Variants in AJM1 observed in about 807,000 individuals in gnomAD.
AJM1 encodes apical junction component 1 homolog.
AJM1 carries 22 observed loss-of-function variants against 43.0 expected under a neutral mutation model. That is an observed-to-expected ratio of 0.51 (90% CI 0.37 to 0.73). The LOEUF is 0.73. AJM1 is among the 30% of genes least tolerant of loss of function. The pLI is 0.00. For missense variants in AJM1, 1,305 were observed against 1,343.3 expected (o/e 0.97, Z 0.45); for synonymous variants, 719 against 638.3 (o/e 1.13, Z -1.91).
chr9:136,846,157 C>T lies in AJM1; in HGVS notation c.1743C>T (p.Asp581=), dbSNP rs761219039. The change falls in exon 3 of 3, where the codon GAC becomes GAT. Residue 581 remains aspartate (D), a synonymous_variant. Coordinates refer to ENST00000436881, the MANE Select transcript of AJM1 (RefSeq NM_001080482.5). The stretch of plus-strand genomic sequence containing the variant: ...GCCAGCGGAGCCTAGAGCAGCTGGA[C>T]GAGCTCATCACGGACCTGGTCATCG... ...SGRQRSLEQL[D]ELITDLVIDS... The T allele has an allele frequency of 3.3e-6, 5 of 1,527,422 alleles. No individual in the cohort carries two copies. The highest frequency in any genetic ancestry group is 2.3e-4 in the Middle Eastern group (1 of 4,386). The allele number at this position is 1,527,422 out of a possible 1,614,324, so 94.6% of individuals were successfully genotyped here.
At position 136,845,463 on chromosome 9, in the gene AJM1, G is replaced by A; in HGVS notation, c.1049G>A (p.Arg350Gln). The part of the protein sequence containing the change: ...PSRSYYGEAP[R>Q]AYGLPYGPRY... ...CGCTCCTACTATGGGGAGGCTCCAC[G>A]AGCCTACGGCCTGCCCTACGGGCCC... is the stretch of plus-strand genomic sequence containing the variant. The change falls in exon 3 of 3, where the codon CGA becomes CAA. Residue 350 changes from arginine to glutamine, a missense_variant. Arg to Gln is a conservative substitution (Grantham distance 43, BLOSUM62 1). This residue lies in a region of AJM1 where 653 missense variants were observed against 549.1 expected (regional missense o/e 1.19). Transcript: ENST00000436881. The A allele has an allele frequency of 6.2e-7, 1 of 1,609,628 alleles. No homozygotes were observed. Among genetic ancestry groups the A allele is most frequent in the Non-Finnish European group, 8.5e-7 (1 of 1,178,804 alleles).
intron 1 of AJM1, among the ~76,000 whole-genome samples, chr9:136,842,995 GGAGGGGGGA>G (rs1375849629): frequency 6.7e-6 from 1 of 149,418 alleles, no homozygotes; most frequent in Non-Finnish European, 1.5e-5. Context: ...CGGGTGGGGT[GGAGGGGGGA>G]GATGGGGGGG....
chr9:136,846,066 G>C lies in AJM1; in HGVS notation c.1652G>C (p.Trp551Ser). 1.3e-6 allele frequency: 2 copies of C among 1,537,268 alleles called. No individual in the cohort carries two copies. Among genetic ancestry groups the C allele is most frequent in the Non-Finnish European group, 1.7e-6 (2 of 1,144,126 alleles). ...RATERPSARAWELPGGRTRPP... is the reference protein window; with the variant it reads ...RATERPSARASELPGGRTRPP... ...ACCGAGCGCCCGAGCGCCAGGGCCT[G>C]GGAGTTGCCCGGGGGCCGCACGCGG... Residue 551 changes from tryptophan (W) to serine (S), a missense_variant, in exon 3 of 3, where the codon TGG becomes TCG. Transcript: ENST00000436881.
rs1383386152 is a variant in AJM1 at position 136,846,921 on chromosome 9, C to T, written c.2507C>T (p.Ala836Val). ...GGGACACCGGCCCTGCCCGCGCCCGCGCCACGCAGCCACGGGCCAACAGTG... is the reference window on the plus strand; with the variant it reads ...GGGACACCGGCCCTGCCCGCGCCCGTGCCACGCAGCCACGGGCCAACAGTG... ...PPGTPALPAPAPRSHGPTVRK... is the reference protein window; with the variant it reads ...PPGTPALPAPVPRSHGPTVRK... The change falls in exon 3 of 3, where the codon GCG (alanine) becomes GTG (valine). Residue 836 changes from alanine to valine, a missense_variant. By Grantham distance (64) the Ala-to-Val change is moderately conservative (BLOSUM62 0). Around this residue, in one of 6 missense-constraint regions of AJM1, gnomAD observed 391 missense variants for 507.5 expected, o/e 0.77. Coordinates refer to ENST00000436881, the MANE Select transcript of AJM1 (RefSeq NM_001080482.5). The T allele has an allele frequency of 6.9e-7, 1 of 1,445,826 alleles. No homozygotes were observed. The highest frequency in any genetic ancestry group is 9.1e-7 in the Non-Finnish European group (1 of 1,099,598). The allele number at this position is 1,445,826 out of a possible 1,614,324, so 89.6% of individuals were successfully genotyped here.
In AJM1 at chr9:136,845,422, C is replaced by A. The variant is rs755097987; in HGVS notation, c.1008C>A (p.Ile336=). 18 of 1,612,362 alleles carry A rather than the reference C, an allele frequency of 1.1e-5. No homozygotes were observed. The highest frequency in any genetic ancestry group is 1.4e-5 in the Non-Finnish European group (17 of 1,179,766). The change falls in exon 3 of 3, where the codon ATC becomes ATA. Residue 336 remains isoleucine, a synonymous_variant. Coordinates refer to ENST00000436881, the MANE Select transcript of AJM1 (RefSeq NM_001080482.5). The part of the protein sequence containing the change: ...YYAGEVRTFP[I]QEPPSRSYYG... The stretch of plus-strand genomic sequence containing the variant: ...CAGGAGAGGTGCGCACCTTCCCAAT[C>A]CAGGAACCGCCCTCCCGCTCCTACT...
Position 136,844,230 on chromosome 9 carries a change from G to A in AJM1, c.-109G>A, listed in dbSNP as rs1588379766. Among the ~76,000 whole-genome samples, 3 of 152,334 alleles carry A rather than the reference G, an allele frequency of 2.0e-5. No individual in the cohort carries two copies. Among genetic ancestry groups the A allele is most frequent in the East Asian group, 1.9e-4 (1 of 5,172 alleles). On this transcript the variant is annotated 5_prime_UTR_variant, in exon 2 of 3. Transcript: ENST00000436881. Reference sequence around the variant, plus strand: ...ACCCCGGCATGGAGGAAGCGCCCGCGTTCTCGGCCCAGGCCCGCAGCCAGG... The same window carrying A: ...ACCCCGGCATGGAGGAAGCGCCCGCATTCTCGGCCCAGGCCCGCAGCCAGG...
Position 136,844,668 on chromosome 9 carries a change from C to A in AJM1, c.254C>A (p.Ala85Asp). The A allele has an allele frequency of 7.0e-7, 1 of 1,428,196 alleles. No homozygotes were observed. The highest frequency in any genetic ancestry group is 1.4e-5 in the South Asian group (1 of 73,802). 88.5% of individuals were successfully genotyped at this position (1,428,196 alleles called of 1,614,324 possible). A position where few individuals can be genotyped will look rare whatever the true frequency, so the allele number is the denominator to read the frequency against. The change falls in exon 3 of 3, where the codon GCC becomes GAC. Residue 85 changes from alanine (A) to aspartate (D), a missense_variant. Coordinates refer to ENST00000436881, the MANE Select transcript of AJM1 (RefSeq NM_001080482.5). ...GTGCCGCGCGCCCGGACCCGCGAAG[C>A]CGAGCCACGCCGCCGCGCCCGCTCC... ...SAVPRARTRE[A>D]EPRRRARSKS...
chr9:136,845,707 C>G lies in AJM1; in HGVS notation c.1293C>G (p.Thr431=), dbSNP rs1405715406. The part of the protein sequence containing the change: ...DPLLASWHGG[T]GTSPPRLATD... Reference sequence around the variant, plus strand: ...TGCTCGCCTCCTGGCACGGCGGCACCGGCACCAGTCCGCCCCGGCTGGCCA... The same window carrying G: ...TGCTCGCCTCCTGGCACGGCGGCACGGGCACCAGTCCGCCCCGGCTGGCCA... The change falls in exon 3 of 3, where the codon ACC becomes ACG. Residue 431 remains threonine (T), a synonymous_variant. Coordinates refer to ENST00000436881, the MANE Select transcript of AJM1 (RefSeq NM_001080482.5). 3.8e-6 allele frequency: 6 copies of G among 1,567,550 alleles called. No individual in the cohort carries two copies. Among genetic ancestry groups the G allele is most frequent in the Non-Finnish European group, 5.1e-6 (6 of 1,165,546 alleles).
In AJM1 at chr9:136,844,832, C is replaced by T. The variant is rs1848745316; in HGVS notation, c.418C>T (p.Arg140Cys). The T allele has an allele frequency of 4.3e-6, 1 of 234,634 alleles. No homozygotes were observed. 14.5% of individuals were successfully genotyped at this position (234,634 alleles called of 1,614,324 possible). ...PRREPAYPALRALANELHPIK... is the reference protein window; with the variant it reads ...PRREPAYPALCALANELHPIK... ...CCGGGAGCCCGCGTACCCGGCGCTCCGCGCCCTTGCCAACGAGCTGCATCC... is the reference window on the plus strand; with the variant it reads ...CCGGGAGCCCGCGTACCCGGCGCTCTGCGCCCTTGCCAACGAGCTGCATCC... The change falls in exon 3 of 3, where the codon CGC (arginine) becomes TGC (cysteine). Residue 140 changes from arginine to cysteine, a missense_variant. Arg to Cys is a radical substitution (Grantham distance 180). This residue lies in a region of AJM1 where 653 missense variants were observed against 549.1 expected (regional missense o/e 1.19). Coordinates refer to ENST00000436881, the MANE Select transcript of AJM1 (RefSeq NM_001080482.5).
chr9:136,846,780 C>T lies in AJM1; in HGVS notation c.2366C>T (p.Ala789Val), dbSNP rs757657604. ...YLSLRELATH[A>V]APLGSYAREL... ...TCGCTGCGTGAGCTGGCCACACACG[C>T]GGCGCCCCTGGGCAGCTACGCGCGC... is the stretch of plus-strand genomic sequence containing the variant. Residue 789 changes from alanine (A) to valine (V), a missense_variant, in exon 3 of 3, where the codon GCG (alanine) becomes GTG (valine). By Grantham distance (64) the Ala-to-Val change is moderately conservative. Transcript: ENST00000436881. 19 of 1,595,140 alleles carry T rather than the reference C, an allele frequency of 1.2e-5. No individual in the cohort carries two copies. Among genetic ancestry groups the T allele is most frequent in the Non-Finnish European group, 1.7e-6 (2 of 1,175,816 alleles).
At chr9:136,843,371 A>G (rs1386425847) in intron 1 of AJM1, among the ~76,000 whole-genome samples, 2 of 152,234 alleles carry the variant, frequency 1.3e-5, no homozygotes, top group Non-Finnish European at 2.9e-5. Flanking sequence ...GCAGGTTTCC[A>G]TGGAACCTTC....
chr9:136,842,558 G>A lies in AJM1; in HGVS notation c.-175G>A, dbSNP rs1848717407. 6.6e-6 allele frequency among the ~76,000 whole-genome samples: 1 copy of A among 152,254 alleles called. No individual in the cohort carries two copies. Among genetic ancestry groups the A allele is most frequent in the Non-Finnish European group, 1.5e-5 (1 of 68,042 alleles). On this transcript the variant is annotated 5_prime_UTR_variant, in exon 1 of 3. Transcript: ENST00000436881. ...GAGGAGCCGACCTGGGGGTGGCACA[G>A]CCCACCGGGGCACAGCCAGAGCAGC...
In AJM1 at chr9:136,844,974, G is replaced by T. The variant is rs1213387205; in HGVS notation, c.560G>T (p.Arg187Leu). 1.7e-6 allele frequency: 1 copy of T among 579,540 alleles called. No homozygotes were observed. Among genetic ancestry groups the T allele is most frequent in the South Asian group, 2.0e-5 (1 of 49,588 alleles). The allele number at this position is 579,540 out of a possible 1,614,324, so 35.9% of individuals were successfully genotyped here. Residue 187 changes from arginine (R) to leucine (L), a missense_variant, in exon 3 of 3, where the codon CGC becomes CTC. By Grantham distance (102) the Arg-to-Leu change is moderately radical. Coordinates refer to ENST00000436881, the MANE Select transcript of AJM1 (RefSeq NM_001080482.5). ...PAGPAPHVRC[R>L]LDIKPDDAVL... Reference sequence around the variant, plus strand: ...GGTCCCGCCCCCCACGTGCGCTGCCGCCTGGACATCAAGCCAGACGACGCA... The same window carrying T: ...GGTCCCGCCCCCCACGTGCGCTGCCTCCTGGACATCAAGCCAGACGACGCA...
rs1459371514 is a variant in AJM1 at position 136,847,591 on chromosome 9, A to G, written c.*246A>G. The G allele has an allele frequency of 3.4e-6, 1 of 296,514 alleles. No individual in the cohort carries two copies. The highest frequency in any genetic ancestry group is 5.5e-6 in the Non-Finnish European group (1 of 181,198). The allele number at this position is 296,514 out of a possible 1,614,324, so 18.4% of individuals were successfully genotyped here. On this transcript the variant is annotated 3_prime_UTR_variant, in exon 3 of 3. Transcript: ENST00000436881. ...TTCCTCACAGGCCCTTCGCCTTCCC[A>G]CCCCCAGCAACCCCTCTCCCTCCTC...
At chr9:136,843,438 G>A (rs1303561814) in intron 1 of AJM1, among the ~76,000 whole-genome samples, 2 of 152,166 alleles carry the variant, frequency 1.3e-5, no homozygotes, top group Non-Finnish European at 2.9e-5. Context: ...CCCACCCTCC[G>A]CCCTGCCCAC....
Position 136,847,300 on chromosome 9 carries a change from G to C in AJM1, c.2886G>C (p.Ala962=). The stretch of plus-strand genomic sequence containing the variant: ...TCATGGCCGCCTCCGAGCCGCGCGC[G>C]CTCGACTGGGTGGCCAGCGCCAACC... ...CMIMAASEPR[A]LDWVASANLL... is the part of the protein sequence containing the mutation. Residue 962 remains alanine (A), a synonymous_variant, in exon 3 of 3, where the codon GCG becomes GCC. Coordinates refer to ENST00000436881, the MANE Select transcript of AJM1 (RefSeq NM_001080482.5). The C allele has an allele frequency of 6.5e-7, 1 of 1,546,566 alleles. No homozygotes were observed. Among genetic ancestry groups the C allele is most frequent in the Non-Finnish European group, 8.7e-7 (1 of 1,151,338 alleles).
rs1187487334 is a variant in AJM1, at chr9:136,846,634, G to A, written c.2220G>A (p.Ala740=). Residue 740 remains alanine, a synonymous_variant, in exon 3 of 3, where the codon GCG becomes GCA. Transcript: ENST00000436881. ...TGCACCGCGCTTTCTCGCGCATCGCGCGTGTCGGCTTCCTGTCGCGCGGCC... is the reference window on the plus strand; with the variant it reads ...TGCACCGCGCTTTCTCGCGCATCGCACGTGTCGGCTTCCTGTCGCGCGGCC... ...GPVHRAFSRI[A]RVGFLSRGRG... The A allele has an allele frequency of 1.9e-6, 3 of 1,596,968 alleles. No individual in the cohort carries two copies. The highest frequency in any genetic ancestry group is 2.5e-6 in the Non-Finnish European group (3 of 1,177,112).
In AJM1 at chr9:136,847,268, T is replaced by C; in HGVS notation, c.2854T>C (p.Cys952Arg). The C allele has an allele frequency of 1.3e-6, 2 of 1,589,866 alleles. No homozygotes were observed. Among genetic ancestry groups the C allele is most frequent in the Non-Finnish European group, 1.7e-6 (2 of 1,172,696 alleles). ...TDRRTGRPFM[C>R]MIMAASEPRA... is the part of the protein sequence containing the mutation. ...CCGGCGCACCGGCCGCCCCTTCATG[T>C]GCATGATCATGGCCGCCTCCGAGCC... The change falls in exon 3 of 3, where the codon TGC (cysteine) becomes CGC (arginine). Residue 952 changes from cysteine (C) to arginine (R), a missense_variant. Physicochemically the swap from Cys to Arg is radical, Grantham distance 180. This residue lies in a region of AJM1 where 116 missense variants were observed against 113.4 expected (regional missense o/e 1.02). Coordinates refer to ENST00000436881, the MANE Select transcript of AJM1 (RefSeq NM_001080482.5).
chr9:136,845,778 C>T lies in AJM1; in HGVS notation c.1364C>T (p.Pro455Leu), dbSNP rs752231389. 5 of 1,573,470 alleles carry T rather than the reference C, an allele frequency of 3.2e-6. No individual in the cohort carries two copies. The African/African-American group carries it at 4.1e-5, about 13-fold the overall frequency. ...CGCTCCTGGGACAACATTCTGGCCC[C>T]GGGGCCGCGCCGAGAAGACCCGTTG... ...YSRSWDNILA[P>L]GPRREDPLGR... The change falls in exon 3 of 3, where the codon CCG (proline) becomes CTG (leucine). Residue 455 changes from proline to leucine, a missense_variant. Physicochemically the swap from Pro to Leu is moderately conservative, Grantham distance 98. Around this residue, in one of 6 missense-constraint regions of AJM1, gnomAD observed 653 missense variants for 549.1 expected, o/e 1.19. Transcript: ENST00000436881.
Sources: allele counts gnomAD v4.1 joint callset (sites outside exome capture counted in the v4.1 genomes callset), GRCh38; gene constraint gnomAD v4.1.1; regional missense constraint gnomAD v4.1.1; transcripts MANE v1.5; gene names NCBI Gene and HGNC (gene_info 2026-07-23, HGNC 2026-07-21).